NCKAP5: variants seen among roughly 807,000 people sequenced by gnomAD.
NCKAP5 encodes NCK associated protein 5, also known as nck-associated protein 5.
Under a neutral mutation model 167.0 loss-of-function variants are expected in NCKAP5, and 92 were observed. That is an observed-to-expected ratio of 0.55 (90% CI 0.47 to 0.66). The LOEUF (loss-of-function observed/expected upper bound fraction) is 0.66, where lower values mean the gene tolerates loss of function less well. Among genes scored for constraint, NCKAP5 ranks in the 30% least tolerant of loss-of-function variants. The pLI, the probability that NCKAP5 is intolerant of heterozygous loss-of-function variation, is 0.00. For synonymous variants in NCKAP5, 891 were observed against 877.4 expected, an observed-to-expected ratio of 1.02 and a Z score of -0.27; for missense variants, 2,378 against 2,315.0, an observed-to-expected ratio of 1.03 and a Z score of -0.56.
chr2:133,500,149 A>G (rs1318367265), intron 3 of NCKAP5, among the ~76,000 whole-genome samples: 1 of 152,204 alleles, frequency 6.6e-6, no homozygotes, highest in African/African-American at 2.4e-5. Context: ...TTGCAAAGCA[A>G]TGCCAATTAC....
chr2:133,254,717 G>T (rs115291776), intron 4 of NCKAP5, among the ~76,000 whole-genome samples: 2 of 152,058 alleles, frequency 1.3e-5, no homozygotes, highest in Non-Finnish European at 2.9e-5. Flanking sequence ...GTGAAGTTAC[G>T]TAAGTTATCC....
chr2:133,095,278 T>C (rs567519951), intron 6 of NCKAP5, among the ~76,000 whole-genome samples: 1 of 152,346 alleles, frequency 6.6e-6, no homozygotes, highest in Non-Finnish European at 1.5e-5. Flanking sequence ...AACTGTTCCA[T>C]AGTATTCCAT....
chr2:133,335,507 T>G (rs192007999), intron 3 of NCKAP5, among the ~76,000 whole-genome samples: 1 of 152,298 alleles, frequency 6.6e-6, no homozygotes, highest in Admixed American at 6.5e-5. Context: ...ATCCCCTTAA[T>G]CCTTTATGTA....
At chr2:132,812,958 T>G (rs976291332) in intron 11 of NCKAP5, among the ~76,000 whole-genome samples, 5 of 152,208 alleles carry the variant, frequency 3.3e-5, no homozygotes, top group Admixed American at 2.6e-4. Flanking sequence ...GCTCTCATGC[T>G]CGTGATCTAA....
chr2:132,889,832 T>C (rs887993662), intron 8 of NCKAP5, among the ~76,000 whole-genome samples: 9 of 151,594 alleles, frequency 5.9e-5, no homozygotes, highest in African/African-American at 1.9e-4. Context: ...GGTTCAACAA[T>C]GGCAAAAAAA....
intron 2 of NCKAP5, among the ~76,000 whole-genome samples, chr2:133,524,450 T>C (rs1684708944): frequency 6.6e-6 from 1 of 152,158 alleles, no homozygotes; most frequent in Admixed American, 6.5e-5. Flanking sequence ...TAAGAAAACA[T>C]TGTTGACTAA....
chr2:133,172,721 C>T (rs2084300965), intron 5 of NCKAP5, among the ~76,000 whole-genome samples: 3 of 152,102 alleles, frequency 2.0e-5, no homozygotes, highest in African/African-American at 7.2e-5. Flanking sequence ...AATCTGGGCT[C>T]ACTGCAAGCT....
At chr2:133,314,167 G>A (rs1399182268) in intron 3 of NCKAP5, among the ~76,000 whole-genome samples, 1 of 152,048 alleles carries the variant, frequency 6.6e-6, no homozygotes, top group African/African-American at 2.4e-5. Flanking sequence ...GTGAAGCCAG[G>A]CTCCTTGCTT....
At chr2:133,288,699 C>A (rs970664277) in intron 4 of NCKAP5, among the ~76,000 whole-genome samples, 1 of 151,956 alleles carries the variant, frequency 6.6e-6, no homozygotes, top group Non-Finnish European at 1.5e-5. Flanking sequence ...TGCCCTGGGT[C>A]CACCAGCATG....
intron 6 of NCKAP5, among the ~76,000 whole-genome samples, chr2:133,055,894 T>C (rs2079781654): frequency 6.6e-6 from 1 of 152,168 alleles, no homozygotes; most frequent in South Asian, 2.1e-4. Flanking sequence ...CTGCCTTGCT[T>C]AGAGGGTGTT....
At chr2:133,663,776 T>C in the NCKAP5 span, among the ~76,000 whole-genome samples, 1 of 152,104 alleles carries the variant, frequency 6.6e-6, no homozygotes, top group Non-Finnish European at 1.5e-5. Context: ...CTCCTTGGAG[T>C]CTCAAACCCC....
At chr2:133,526,143 G>T (rs1684851089) in intron 2 of NCKAP5, among the ~76,000 whole-genome samples, 1 of 144,988 alleles carries the variant, frequency 6.9e-6, no homozygotes, top group African/African-American at 2.6e-5. Context: ...AAAAGAAGAA[G>T]GGAGGAACAG....
At chr2:132,893,016 C>G (rs993318233) in intron 8 of NCKAP5, among the ~76,000 whole-genome samples, 2 of 124,658 alleles carry the variant, frequency 1.6e-5, no homozygotes, top group African/African-American at 6.0e-5. Context: ...AAAAAAAAAA[C>G]CAGAAAGGAA....
At chr2:133,283,286 A>G (rs2089991711) in intron 4 of NCKAP5, among the ~76,000 whole-genome samples, 1 of 152,130 alleles carries the variant, frequency 6.6e-6, no homozygotes, top group South Asian at 2.1e-4. Context: ...TAGAGGAGAA[A>G]TAGTTTTTTT....
At chr2:133,605,469 C>G in the NCKAP5 span, among the ~76,000 whole-genome samples, 1 of 151,962 alleles carries the variant, frequency 6.6e-6, no homozygotes, top group Non-Finnish European at 1.5e-5. Flanking sequence ...GATGAAGACC[C>G]GGGGTGTGTG....
intron 16 of NCKAP5, among the ~76,000 whole-genome samples, chr2:132,758,970 C>T (rs945781370): frequency 6.6e-6 from 1 of 152,234 alleles, no homozygotes; most frequent in African/African-American, 2.4e-5. Context: ...CTGATTACAT[C>T]CTTCAATCAC....
At chr2:132,801,647 C>T (rs191087898) in intron 11 of NCKAP5, among the ~76,000 whole-genome samples, 93 of 152,260 alleles carry the variant, frequency 6.1e-4, no homozygotes, top group Admixed American at 5.6e-3. Context: ...TGTAAAATAC[C>T]AAGCTAAGCT....
chr2:133,339,372 T>A lies in NCKAP5; in HGVS notation c.70-36262A>T, dbSNP rs139944979. Among the ~76,000 whole-genome samples, 7 of 152,268 alleles carry A rather than the reference T, an allele frequency of 4.6e-5. No individual in the cohort carries two copies. The East Asian group carries it at 1.4e-3, about 29-fold the overall frequency. On this transcript the variant is annotated intron_variant, in intron 3 of 19. Coordinates refer to ENST00000409261, the MANE Select transcript of NCKAP5 (RefSeq NM_207363.3). ...TGAAACAGGTCCCCTGGGCTGTGAA[T>A]CCATGGCCCCAGGCTATTTGTAATA... is the stretch of plus-strand genomic sequence containing the variant.
chr2:133,162,786 G>A (rs2083850189), intron 5 of NCKAP5, among the ~76,000 whole-genome samples: 1 of 151,936 alleles, frequency 6.6e-6, no homozygotes, highest in South Asian at 2.1e-4. Context: ...AGCTTTCAAA[G>A]CCACTTGTGG....
Sources: gnomAD v4.1 joint callset for allele counts (sites outside exome capture counted in the v4.1 genomes callset) on GRCh38, gnomAD v4.1.1 for gene constraint, MANE v1.5 for transcripts, NCBI Gene and HGNC (gene_info 2026-07-23, HGNC 2026-07-21) for gene names.